Variants in CTNND2 observed in about 807,000 individuals in gnomAD.
CTNND2 encodes the protein catenin delta 2.
Under a neutral mutation model 144.4 loss-of-function variants are expected in CTNND2, and 22 were observed. The observed-to-expected ratio is 0.15, with a 90% CI of 0.11 to 0.22. CTNND2 has a LOEUF of 0.22. Ranked by LOEUF, CTNND2 falls within the 10% of genes least tolerant of loss-of-function variation. The pLI is 1.00. For synonymous variants in CTNND2, 751 were observed against 695.6 expected (o/e 1.08, Z -1.25); for missense variants, 1,353 against 1,618.8 (o/e 0.84, Z 2.82).
At chr5:11,348,390 A>C (rs1414997641) in intron 8 of CTNND2, among the ~76,000 whole-genome samples, 1 of 151,346 alleles carries the variant, frequency 6.6e-6, no homozygotes, top group Non-Finnish European at 1.5e-5. Flanking sequence ...AGGTAAACAA[A>C]ATTTCATTTT....
At chr5:11,837,507 T>C (rs909949219) in intron 1 of CTNND2, among the ~76,000 whole-genome samples, 16 of 152,166 alleles carry the variant, frequency 1.1e-4, no homozygotes, top group African/African-American at 3.6e-4. Context: ...AGACTAGTCA[T>C]CATAAGAGAA....
chr5:11,207,316 C>T (rs1007964137), intron 10 of CTNND2, among the ~76,000 whole-genome samples: 3 of 150,648 alleles, frequency 2.0e-5, no homozygotes, highest in Non-Finnish European at 4.4e-5. Flanking sequence ...AGAAAACCAA[C>T]ATGGCATGTG....
intron 21 of CTNND2, among the ~76,000 whole-genome samples, chr5:10,979,701 C>T (rs1322838721): frequency 6.6e-6 from 1 of 152,136 alleles, no homozygotes; most frequent in African/African-American, 2.4e-5. Context: ...ATCTACTGTT[C>T]AGATATATAG....
At chr5:11,161,313 G>A (rs1244257324) in intron 11 of CTNND2, among the ~76,000 whole-genome samples, 1 of 152,152 alleles carries the variant, frequency 6.6e-6, no homozygotes. Context: ...TAGTGAATTT[G>A]ACCATTTTAT....
At chr5:11,125,171 G>C (rs1754554385) in intron 12 of CTNND2, among the ~76,000 whole-genome samples, 2 of 152,066 alleles carry the variant, frequency 1.3e-5, no homozygotes, top group South Asian at 4.1e-4. Flanking sequence ...CCAGCCACTG[G>C]GTCTGCTGAC....
In CTNND2 at chr5:11,005,477, G is replaced by T. The variant is rs80215819; in HGVS notation, c.3084+12497C>A. ...AGAAAACCAATTAGGCAGTAATATT[G>T]TACCAGGACCAGGGACAGATGATGA... On this transcript the variant is annotated intron_variant, in intron 18 of 21. Transcript: ENST00000304623. 5.2e-3 allele frequency among the ~76,000 whole-genome samples: 787 copies of T among 152,300 alleles called. 7 individuals are homozygous for T. Among genetic ancestry groups the T allele is most frequent in the African/African-American group, 0.017 (689 of 41,558 alleles).
At chr5:11,403,125 T>G (rs1280670519) in intron 5 of CTNND2, among the ~76,000 whole-genome samples, 1 of 152,206 alleles carries the variant, frequency 6.6e-6, no homozygotes, top group African/African-American at 2.4e-5. Flanking sequence ...CGTGGTTGTT[T>G]GCTGCACCTA....
chr5:11,380,035 C>A (rs986698033), intron 7 of CTNND2, among the ~76,000 whole-genome samples: 1 of 152,140 alleles, frequency 6.6e-6, no homozygotes, highest in African/African-American at 2.4e-5. Flanking sequence ...TCTAGTTGCT[C>A]CTTTATAGCT....
At chr5:11,316,465 TTTTTTA>T (rs200185073) in intron 9 of CTNND2, among the ~76,000 whole-genome samples, 20,235 of 83,384 alleles carry the variant, frequency 0.24, 1,754 homozygotes, top group Admixed American at 0.41. Context: ...TTATCCACTA[TTTTTTA>T]TTATTATTAT....
Position 11,185,020 on chromosome 5 carries a change from G to A in CTNND2, c.1975+14428C>T, listed in dbSNP as rs114904720. Among the ~76,000 whole-genome samples, 299 of 152,252 alleles carry A rather than the reference G, an allele frequency of 2.0e-3. 2 individuals are homozygous for A. Among genetic ancestry groups the A allele is most frequent in the African/African-American group, 6.7e-3 (280 of 41,552 alleles). On this transcript the variant is annotated intron_variant, in intron 11 of 21. Coordinates refer to ENST00000304623, the MANE Select transcript of CTNND2 (RefSeq NM_001332.4). ...TGCAAGAACACACATGCCCACCCCT[G>A]CATGCACACGGATGACTCAGTTCTC...
intron 3 of CTNND2, among the ~76,000 whole-genome samples, chr5:11,539,553 T>G (rs1774536656): frequency 6.6e-6 from 1 of 152,248 alleles, no homozygotes; most frequent in African/African-American, 2.4e-5. Flanking sequence ...TACGGGTCCA[T>G]GTACCAGATG....
At chr5:11,390,593 G>T (rs955218238) in intron 6 of CTNND2, among the ~76,000 whole-genome samples, 2 of 152,192 alleles carry the variant, frequency 1.3e-5, no homozygotes, top group African/African-American at 4.8e-5. Context: ...CATGATTTAT[G>T]AGCGGTCCTG....
At chr5:11,222,756 T>C (rs898657587) in intron 10 of CTNND2, among the ~76,000 whole-genome samples, 1 of 152,136 alleles carries the variant, frequency 6.6e-6, no homozygotes, top group African/African-American at 2.4e-5. Context: ...CAGTGAACCC[T>C]GATCACACCA....
chr5:11,204,179 C>G (rs1056450707), intron 10 of CTNND2, among the ~76,000 whole-genome samples: 2 of 152,192 alleles, frequency 1.3e-5, no homozygotes, highest in East Asian at 1.9e-4. Context: ...ATGAATTAAC[C>G]AATCAAATAA....
rs538560519 is a variant in CTNND2 at position 11,609,608 on chromosome 5, T to C, written c.175-44552A>G. On this transcript the variant is annotated intron_variant, in intron 2 of 21. Transcript: ENST00000304623. ...TATATTAAATAATAGTATTGGACAATGAACATAATTCCAATACTTATTTTT... is the reference window on the plus strand; with the variant it reads ...TATATTAAATAATAGTATTGGACAACGAACATAATTCCAATACTTATTTTT... Among the ~76,000 whole-genome samples the C allele has an allele frequency of 2.6e-5, 4 of 152,346 alleles. No individual in the cohort carries two copies. In the South Asian group the frequency reaches 6.2e-4, roughly 24 times the overall value.
intron 2 of CTNND2, among the ~76,000 whole-genome samples, chr5:11,635,644 A>G (rs909986129): frequency 6.6e-6 from 1 of 152,212 alleles, no homozygotes; most frequent in Non-Finnish European, 1.5e-5. Context: ...TAACATTCTA[A>G]CATTGTTTCC....
intron 3 of CTNND2, among the ~76,000 whole-genome samples, chr5:11,559,621 C>T (rs1581496933): frequency 6.6e-6 from 1 of 152,184 alleles, no homozygotes; most frequent in African/African-American, 2.4e-5. Context: ...TCTCCCCAGC[C>T]TCCTGAGATC....
chr5:11,508,480 A>G (rs995258575), intron 3 of CTNND2: 1 of 152,140 alleles, frequency 6.6e-6, no homozygotes, highest in African/African-American at 2.4e-5. Flanking sequence ...ATTTCCTTTA[A>G]TGTAGCCCCC....
chr5:11,457,714 G>T (rs1050967692), intron 3 of CTNND2, among the ~76,000 whole-genome samples: 2 of 152,176 alleles, frequency 1.3e-5, no homozygotes, highest in Non-Finnish European at 2.9e-5. Flanking sequence ...TCCATGCACA[G>T]GACACTTGTG....
Sources: allele counts gnomAD v4.1 joint callset (sites outside exome capture counted in the v4.1 genomes callset), GRCh38; gene constraint gnomAD v4.1.1; transcripts MANE v1.5; gene names NCBI Gene and HGNC (gene_info 2026-07-23, HGNC 2026-07-21).